Variants in SIAE observed in about 807,000 individuals in gnomAD.
SIAE encodes the protein sialic acid acetylesterase.
Under a neutral mutation model 52.6 loss-of-function variants are expected in SIAE, and 39 were observed. The observed-to-expected ratio is 0.74, with a 90% CI of 0.57 to 0.97. The LOEUF (loss-of-function observed/expected upper bound fraction) is 0.97, where lower values mean the gene tolerates loss of function less well. Ranked by LOEUF, SIAE falls within the 50% of genes least tolerant of loss-of-function variation. SIAE has a pLI of 0.00. For synonymous variants in SIAE, 233 were observed against 241.4 expected (o/e 0.97, Z 0.32); for missense variants, 592 against 662.1 (o/e 0.89, Z 1.16).
intron 3 of SIAE, 193 bp downstream of exon 3, chr11:124,660,435 T>G (rs764271427): frequency 2.9e-6 from 2 of 687,274 alleles, no homozygotes; most frequent in East Asian, 2.8e-5. Context: ...AACTACCAAT[T>G]TAATCAATAG....
Position 124,660,733 on chromosome 11 carries a change from T to C in SIAE, c.300A>G (p.Gln100=). The C allele has an allele frequency of 2.5e-6, 4 of 1,614,200 alleles. No individual in the cohort carries two copies. Among genetic ancestry groups the C allele is most frequent in the Non-Finnish European group, 3.4e-6 (4 of 1,180,036 alleles). ...KPGGPFEVMA[Q]QTLEKINFTL... ...TGAAGTTTATTTTCTCCAAAGTCTG[T>C]TGTGCCATCACTTCGAAAGGTCCTC... The change falls in exon 3 of 10, where the codon CAA becomes CAG. Residue 100 remains glutamine, a synonymous_variant. Transcript: ENST00000263593.
intron 1 of SIAE, among the ~76,000 whole-genome samples, chr11:124,672,286 G>A (rs1044300666): frequency 1.4e-4 from 22 of 152,172 alleles, no homozygotes; most frequent in Admixed American, 5.9e-4. Context: ...GGGAAGAGAG[G>A]GCAGTGGTTG....
rs1480504845 is a variant in SIAE at position 124,645,764 on chromosome 11, G to A, written c.966+1601C>T. The stretch of plus-strand genomic sequence containing the variant: ...CCCAAGTGTAGTTTCCACCAACAGG[G>A]ATGCAGAACTGGTGACAGGAGCTGC... On this transcript the variant is annotated intron_variant, in intron 7 of 9. Coordinates refer to ENST00000263593, the MANE Select transcript of SIAE (RefSeq NM_170601.5). The surrounding 1 kb of genome is among the most constrained non-coding windows in gnomAD (Gnocchi z 4.7). Among the ~76,000 whole-genome samples the A allele has an allele frequency of 3.3e-5, 5 of 152,194 alleles. No homozygotes were observed. Among genetic ancestry groups the A allele is most frequent in the Non-Finnish European group, 5.9e-5 (4 of 68,038 alleles).
At chr11:124,659,216 T>C (rs1376780019) in intron 3 of SIAE, 1 of 152,220 alleles carries the variant, frequency 6.6e-6, no homozygotes, top group African/African-American at 2.4e-5. Context: ...AGAAAGCGAC[T>C]ATATAGATAC....
At chr11:124,646,908 A>T (rs558297944) in intron 7 of SIAE, among the ~76,000 whole-genome samples, 2 of 152,364 alleles carry the variant, frequency 1.3e-5, no homozygotes, top group East Asian at 3.9e-4. Context: ...AACTGCATTG[A>T]AGATTAATAT....
rs1943348217 is a variant in SIAE at position 124,671,152 on chromosome 11, G to A, written c.68-1631C>T. Among the ~76,000 whole-genome samples the A allele has an allele frequency of 1.3e-5, 2 of 152,196 alleles. 1 individual carries two copies. Among genetic ancestry groups the A allele is most frequent in the South Asian group, 4.1e-4 (2 of 4,822 alleles). Reference sequence around the variant, plus strand: ...TGAACATCTTTGTGGATGACTCTGTGCTGGGCTAAAGAGTTTTAGAGGTGG... The same window carrying A: ...TGAACATCTTTGTGGATGACTCTGTACTGGGCTAAAGAGTTTTAGAGGTGG... On this transcript the variant is annotated intron_variant, in intron 1 of 9. Transcript: ENST00000263593.
In SIAE at chr11:124,635,213, G is replaced by A. The variant is rs914542841; in HGVS notation, c.*1738C>T. ...GGACGGGTAGATTGACTTTTTCTCA[G>A]GCATCAATCTGTTACAAGGTTCATG... On this transcript the variant is annotated 3_prime_UTR_variant, in exon 10 of 10. Coordinates refer to ENST00000263593, the MANE Select transcript of SIAE (RefSeq NM_170601.5). 3.3e-5 allele frequency: 5 copies of A among 152,152 alleles called. No homozygotes were observed. The highest frequency in any genetic ancestry group is 2.6e-4 in the Admixed American group (4 of 15,270). 9.4% of individuals were successfully genotyped at this position (152,152 alleles called of 1,614,324 possible).
At chr11:124,655,138 T>C (rs1353555086) in intron 3 of SIAE, among the ~76,000 whole-genome samples, 1 of 152,014 alleles carries the variant, frequency 6.6e-6, no homozygotes, top group African/African-American at 2.4e-5. Flanking sequence ...TCTGAAAAAG[T>C]ATCTCATAAC....
In SIAE at chr11:124,636,194, A is replaced by T. The variant is rs1196076846; in HGVS notation, c.*757T>A. 2 of 152,302 alleles carry T rather than the reference A, an allele frequency of 1.3e-5. No individual in the cohort carries two copies. Among genetic ancestry groups the T allele is most frequent in the Non-Finnish European group, 2.9e-5 (2 of 68,156 alleles). The allele number at this position is 152,302 out of a possible 1,614,324, so 9.4% of individuals were successfully genotyped here. Reference sequence around the variant, plus strand: ...GCCCTTGCTTTTCATTCCTTAGGGCAGTCACTTAGCACCTTCCAAAGTGCC... The same window carrying T: ...GCCCTTGCTTTTCATTCCTTAGGGCTGTCACTTAGCACCTTCCAAAGTGCC... On this transcript the variant is annotated 3_prime_UTR_variant, in exon 10 of 10. Coordinates refer to ENST00000263593, the MANE Select transcript of SIAE (RefSeq NM_170601.5).
chr11:124,647,382 G>A lies in SIAE; in HGVS notation c.949C>T (p.Pro317Ser), dbSNP rs1353386556. The change falls in exon 7 of 10, where the codon CCA becomes TCA. Residue 317 changes from proline (P) to serine (S), a missense_variant. By Grantham distance (74) the Pro-to-Ser change is moderately conservative. Transcript: ENST00000263593. The part of the protein sequence containing the change: ...GSQGQTERFF[P>S]FGLVQLSSDL... ...CATCGTACCTGGACAAGTCCAAATGGGAAGAAACGCTCCGTCTGCCCCTGG... is the reference window on the plus strand; with the variant it reads ...CATCGTACCTGGACAAGTCCAAATGAGAAGAAACGCTCCGTCTGCCCCTGG... 4 of 1,614,182 alleles carry A rather than the reference G, an allele frequency of 2.5e-6. No individual in the cohort carries two copies. The Admixed American group carries it at 5.0e-5, about 20-fold the overall frequency.
At position 124,634,385 on chromosome 11, in the gene SIAE, C is replaced by T. The variant is rs1942676199; in HGVS notation, c.*2566G>A. Reference sequence around the variant, plus strand: ...AAAACACTGCCTTAGTATACTTAAACTATCTTTTCATCTATCAGATTGTTA... The same window carrying T: ...AAAACACTGCCTTAGTATACTTAAATTATCTTTTCATCTATCAGATTGTTA... On this transcript the variant is annotated 3_prime_UTR_variant, in exon 10 of 10. Coordinates refer to ENST00000263593, the MANE Select transcript of SIAE (RefSeq NM_170601.5). 1 of 152,126 alleles carries T rather than the reference C, an allele frequency of 6.6e-6. No homozygotes were observed. The highest frequency in any genetic ancestry group is 2.1e-4 in the South Asian group (1 of 4,828). 9.4% of individuals were successfully genotyped at this position (152,126 alleles called of 1,614,324 possible).
intron 5 of SIAE, among the ~76,000 whole-genome samples, chr11:124,648,547 A>C (rs1424310230): frequency 6.6e-6 from 1 of 152,156 alleles, no homozygotes; most frequent in African/African-American, 2.4e-5. Context: ...GGTTGTTTTA[A>C]ACTTTTTGCT....
chr11:124,637,036 T>C lies in SIAE; in HGVS notation c.1487A>G (p.His496Arg), dbSNP rs1270791495. ...AGGGGCTGGCAGGGCACTACTGGGG[T>C]GGTATAGGGGACACTGCTTATATTC... Reference protein sequence around the residue: ...PCEYKQCPLYHPSSALPAPPF... With the variant: ...PCEYKQCPLYRPSSALPAPPF... Residue 496 changes from histidine (H) to arginine (R), a missense_variant, in exon 10 of 10, where the codon CAC becomes CGC. Physicochemically the swap from His to Arg is conservative, Grantham distance 29. Coordinates refer to ENST00000263593, the MANE Select transcript of SIAE (RefSeq NM_170601.5). 6.2e-7 allele frequency: 1 copy of C among 1,613,634 alleles called. No homozygotes were observed. Among genetic ancestry groups the C allele is most frequent in the Non-Finnish European group, 8.5e-7 (1 of 1,179,926 alleles).
rs375894090 is a variant in SIAE at position 124,665,687 on chromosome 11, C to T, written c.229+3673G>A. On this transcript the variant is annotated intron_variant, in intron 2 of 9. Coordinates refer to ENST00000263593, the MANE Select transcript of SIAE (RefSeq NM_170601.5). The stretch of plus-strand genomic sequence containing the variant: ...TATGCAAATTAGCCAGGCATGGTGG[C>T]GGGTGCCTGTAACCTCAGCTACTCA... Among the ~76,000 whole-genome samples, 16 of 152,188 alleles carry T rather than the reference C, an allele frequency of 1.1e-4. No individual in the cohort carries two copies. In the East Asian group the frequency reaches 1.4e-3, roughly 13 times the overall value.
Position 124,634,728 on chromosome 11 carries a change from A to T in SIAE, c.*2223T>A, listed in dbSNP as rs573969153. 1.3e-5 allele frequency: 2 copies of T among 152,356 alleles called. No homozygotes were observed. The highest frequency in any genetic ancestry group is 3.9e-4 in the East Asian group (2 of 5,192). 9.4% of individuals were successfully genotyped at this position (152,356 alleles called of 1,614,324 possible). The stretch of plus-strand genomic sequence containing the variant: ...ACAAACTGAAACACTCTAAATCTAT[A>T]TTCTATTATTTACATAAGAAAATTA... On this transcript the variant is annotated 3_prime_UTR_variant, in exon 10 of 10. Transcript: ENST00000263593.
chr11:124,655,360 A>G (rs1048548529), intron 3 of SIAE, among the ~76,000 whole-genome samples: 4 of 152,112 alleles, frequency 2.6e-5, no homozygotes, highest in Non-Finnish European at 5.9e-5. Flanking sequence ...TATTTTTAGT[A>G]GAGACGGGGT....
At chr11:124,664,452 T>G (rs1297476600) in intron 2 of SIAE, among the ~76,000 whole-genome samples, 1 of 152,148 alleles carries the variant, frequency 6.6e-6, no homozygotes, top group African/African-American at 2.4e-5. Context: ...GCCAGGATGG[T>G]CTCGATCTCC....
At position 124,649,740 on chromosome 11, in the gene SIAE, G is replaced by A. The variant is rs139784111; in HGVS notation, c.601C>T (p.Arg201Cys). The A allele has an allele frequency of 3.8e-5, 62 of 1,614,056 alleles. No homozygotes were observed. The African/African-American group carries it at 6.8e-4, about 18-fold the overall frequency. The change falls in exon 5 of 10, where the codon CGT becomes TGT. Residue 201 changes from arginine (R) to cysteine (C), a missense_variant. Coordinates refer to ENST00000263593, the MANE Select transcript of SIAE (RefSeq NM_170601.5). ...YMSAVCWLFGRHLYDTLQYPI... is the reference protein window; with the variant it reads ...YMSAVCWLFGCHLYDTLQYPI... ...TACTGCAGAGTGTCATAAAGGTGAC[G>A]TCCAAAGAGCCAGCACACTGCTGAC... is the stretch of plus-strand genomic sequence containing the variant.
chr11:124,641,792 C>T (rs1450675475), intron 7 of SIAE, among the ~76,000 whole-genome samples: 1 of 152,076 alleles, frequency 6.6e-6, no homozygotes, highest in East Asian at 1.9e-4. Flanking sequence ...AACCCCTTCT[C>T]TACTAACAAT....
Sources: allele counts gnomAD v4.1 joint callset (sites outside exome capture counted in the v4.1 genomes callset), GRCh38; gene constraint gnomAD v4.1.1; non-coding constraint Gnocchi (gnomAD v3.1); transcripts MANE v1.5; gene names NCBI Gene and HGNC (gene_info 2026-07-23, HGNC 2026-07-21).